The following PHACTR3 variants were observed in gnomAD, a reference collection of about 807,000 sequenced individuals.
PHACTR3 encodes phosphatase and actin regulator 3.
PHACTR3 carries 16 observed loss-of-function variants against 66.8 expected under a neutral mutation model. The observed-to-expected ratio is 0.24, with a 90% CI of 0.16 to 0.36. The LOEUF is 0.36. Among genes scored for constraint, PHACTR3 ranks in the 10% least tolerant of loss-of-function variants. The pLI is 1.00. For missense variants in PHACTR3, 647 were observed against 719.9 expected (o/e 0.90, Z 1.16); for synonymous variants, 323 against 292.1 (o/e 1.11, Z -1.08).
intron 8 of PHACTR3, among the ~76,000 whole-genome samples, chr20:59,814,295 C>T (rs1203909949): frequency 4.6e-5 from 7 of 152,114 alleles, no homozygotes; most frequent in Non-Finnish European, 8.8e-5. Flanking sequence ...GCAGAGAGGA[C>T]GGCAGAGCTG....
At chr20:59,765,545 A>G (rs896223257) in intron 4 of PHACTR3, among the ~76,000 whole-genome samples, 1 of 152,214 alleles carries the variant, frequency 6.6e-6, no homozygotes, top group Non-Finnish European at 1.5e-5. Flanking sequence ...TAAGGACTCC[A>G]TTGTCATGAA....
intron 1 of PHACTR3, among the ~76,000 whole-genome samples, chr20:59,717,831 G>T (rs1013256864): frequency 1.3e-5 from 2 of 152,120 alleles, no homozygotes; most frequent in African/African-American, 4.8e-5. Flanking sequence ...AAAAATTCAA[G>T]GCACTTAAAT....
At chr20:59,582,238 G>A (rs76797967) in intron 1 of PHACTR3, among the ~76,000 whole-genome samples, 2 of 152,172 alleles carry the variant, frequency 1.3e-5, no homozygotes, top group South Asian at 2.1e-4. Flanking sequence ...AGCACTTCTC[G>A]CTGTGAAGCT....
chr20:59,595,445 A>G lies in PHACTR3; in HGVS notation c.109+17828A>G, dbSNP rs145762480. Among the ~76,000 whole-genome samples, 113 of 151,848 alleles carry G rather than the reference A, an allele frequency of 7.4e-4. 4 individuals are homozygous for G. In the East Asian group the frequency reaches 0.02, roughly 27 times the overall value. The stretch of plus-strand genomic sequence containing the variant: ...CCACTGCACTCCAGCCTCTCAAAAT[A>G]AAAACAAAAATAGTAAATAAATAAA... On this transcript the variant is annotated intron_variant, in intron 1 of 12. Transcript: ENST00000359926.
At chr20:59,835,512 T>C (rs1479221386) in intron 8 of PHACTR3, among the ~76,000 whole-genome samples, 1 of 152,216 alleles carries the variant, frequency 6.6e-6, no homozygotes, top group Non-Finnish European at 1.5e-5. Context: ...CAAAATATTA[T>C]GGCCCTAAAT....
chr20:59,755,768 C>T (rs911467957), intron 4 of PHACTR3, among the ~76,000 whole-genome samples: 4 of 152,132 alleles, frequency 2.6e-5, no homozygotes, highest in Admixed American at 2.6e-4. Flanking sequence ...TTTCTGTGGC[C>T]GAAATCCTGC....
intron 1 of PHACTR3, among the ~76,000 whole-genome samples, chr20:59,733,813 C>A (rs1413554127): frequency 6.6e-6 from 1 of 152,172 alleles, no homozygotes; most frequent in Non-Finnish European, 1.5e-5. Flanking sequence ...TGAGCAAATT[C>A]ATGCCAGGTG....
chr20:59,730,813 T>G (rs1296765083), intron 1 of PHACTR3, among the ~76,000 whole-genome samples: 3 of 152,152 alleles, frequency 2.0e-5, no homozygotes, highest in African/African-American at 7.2e-5. Flanking sequence ...TTATGTCCCA[T>G]CTGTGGCTGC....
chr20:59,639,654 C>A (rs2035030999), intron 1 of PHACTR3, among the ~76,000 whole-genome samples: 1 of 152,294 alleles, frequency 6.6e-6, no homozygotes, highest in Non-Finnish European at 1.5e-5. Flanking sequence ...TGGCTTTGGG[C>A]AAGTTAATCC....
rs552196225 is a variant in PHACTR3 at position 59,661,691 on chromosome 20, C to G, written c.118+56559C>G. Among the ~76,000 whole-genome samples the G allele has an allele frequency of 2.6e-5, 4 of 151,760 alleles. No homozygotes were observed. In the South Asian group the frequency reaches 8.3e-4, roughly 32 times the overall value. On this transcript the variant is annotated intron_variant, in intron 1 of 12. Transcript: ENST00000371015. ...GGCTTCTTTCTGTGGCCAGAGATGC[C>G]AATACATGTGATTTTCTGCATGCAT...
chr20:59,590,875 C>T (rs894231296), intron 1 of PHACTR3, among the ~76,000 whole-genome samples: 1 of 152,122 alleles, frequency 6.6e-6, no homozygotes. Flanking sequence ...TTTTATAAGG[C>T]ACTTATCATT....
rs139638087 is a variant in PHACTR3 at position 59,773,375 on chromosome 20, C to G, written c.848C>G (p.Thr283Arg). The G allele has an allele frequency of 3.7e-6, 6 of 1,614,178 alleles. No homozygotes were observed. Among genetic ancestry groups the G allele is most frequent in the Admixed American group, 1.7e-5 (1 of 60,026 alleles). ...STPTGSPHLT[T>R]VHRPLPPSRV... ...CCCACGGGGTCTCCGCATCTCACCA[C>G]GGTCCACCGGCCTCTTCCCCCAAGC... The change falls in exon 6 of 13, where the codon ACG (threonine) becomes AGG (arginine). Residue 283 changes from threonine (T) to arginine (R), a missense_variant. Coordinates refer to ENST00000371015, the MANE Select transcript of PHACTR3 (RefSeq NM_080672.5).
intron 7 of PHACTR3, among the ~76,000 whole-genome samples, chr20:59,785,571 G>A (rs75375622): frequency 0.027 from 4,152 of 152,286 alleles, 187 homozygotes; most frequent in African/African-American, 0.095. Flanking sequence ...AAGAGAAAGC[G>A]CAGAGGGGAG....
In PHACTR3 at chr20:59,715,734, T is replaced by A. The variant is rs559205495; in HGVS notation, c.119-27373T>A. Reference sequence around the variant, plus strand: ...TTGGAGGAATTTACTGTGGGGCCCATACATCCTTCATCAGATACTCAAATG... The same window carrying A: ...TTGGAGGAATTTACTGTGGGGCCCAAACATCCTTCATCAGATACTCAAATG... On this transcript the variant is annotated intron_variant, in intron 1 of 12. Transcript: ENST00000371015. Among the ~76,000 whole-genome samples, 15 of 152,296 alleles carry A rather than the reference T, an allele frequency of 9.8e-5. No homozygotes were observed. In the East Asian group the frequency reaches 2.5e-3, roughly 25 times the overall value.
chr20:59,721,590 G>C (rs78549948), intron 1 of PHACTR3, among the ~76,000 whole-genome samples: 13 of 152,322 alleles, frequency 8.5e-5, no homozygotes, highest in African/African-American at 3.1e-4. Context: ...GGGGGTTCTA[G>C]AAGGCAAAGT....
At position 59,751,749 on chromosome 20, in the gene PHACTR3, T is replaced by C. The variant is rs2039593604; in HGVS notation, c.359-3433T>C. On this transcript the variant is annotated intron_variant, in intron 3 of 12. Transcript: ENST00000371015. ...GGAAGGACCCTGCTGGTGGCGTTAT[T>C]ACATGACTAGATGTGTGCAGTGGAG... Among the ~76,000 whole-genome samples, 3 of 152,118 alleles carry C rather than the reference T, an allele frequency of 2.0e-5. No individual in the cohort carries two copies. The South Asian group carries it at 6.2e-4, about 31-fold the overall frequency.
chr20:59,631,679 G>C (rs1271110208), intron 1 of PHACTR3, among the ~76,000 whole-genome samples: 1 of 152,140 alleles, frequency 6.6e-6, no homozygotes, highest in Non-Finnish European at 1.5e-5. Context: ...AAAAGAAATG[G>C]AATTTCAAAT....
intron 1 of PHACTR3, among the ~76,000 whole-genome samples, chr20:59,708,447 G>A (rs816102): frequency 0.39 from 59,974 of 152,058 alleles, 12,914 homozygotes; most frequent in Middle Eastern, 0.51. Flanking sequence ...GAAAGCATCC[G>A]CCCAGAAGGG....
chr20:59,820,964 C>T lies in PHACTR3; in HGVS notation c.1328+14770C>T, dbSNP rs956246126. On this transcript the variant is annotated intron_variant, in intron 8 of 12. Transcript: ENST00000371015. This position sits in a 1 kb window ranked among gnomAD's most constrained non-coding sequence, Gnocchi z 4.6. Reference sequence around the variant, plus strand: ...CTCAGATGCTTGCAGGGACTAAATACCACACAGTCCTGCTTCACCCAGGAT... The same window carrying T: ...CTCAGATGCTTGCAGGGACTAAATATCACACAGTCCTGCTTCACCCAGGAT... Among the ~76,000 whole-genome samples, 6 of 152,116 alleles carry T rather than the reference C, an allele frequency of 3.9e-5. No homozygotes were observed. The highest frequency in any genetic ancestry group is 8.8e-5 in the Non-Finnish European group (6 of 68,022).
Sources: allele counts gnomAD v4.1 joint callset (sites outside exome capture counted in the v4.1 genomes callset), GRCh38; gene constraint gnomAD v4.1.1; non-coding constraint Gnocchi (gnomAD v3.1); transcripts MANE v1.5; gene names NCBI Gene and HGNC (gene_info 2026-07-23, HGNC 2026-07-21).